Variants in JMY observed in about 807,000 individuals in gnomAD.
JMY encodes junction mediating and regulatory protein, p53 cofactor, also known as junction-mediating and -regulatory protein.
A neutral mutation model predicts 103.3 loss-of-function variants in JMY; 46 were observed. That is an observed-to-expected ratio of 0.45 (90% CI 0.35 to 0.57). The LOEUF is 0.57. JMY is among the 20% of genes least tolerant of loss of function. The pLI is 0.00. For missense variants in JMY, 1,238 were observed against 1,255.2 expected (o/e 0.99, Z 0.21); for synonymous variants, 526 against 489.3 (o/e 1.07, Z -0.99).
chr5:79,320,565 C>G (rs1468109345), intron 10 of JMY, among the ~76,000 whole-genome samples: 6 of 152,130 alleles, frequency 3.9e-5, no homozygotes, highest in African/African-American at 1.2e-4. Context: ...CCCTCCTCAG[C>G]CTCCCAAAGT....
At chr5:79,298,661 A>G (rs769760389) in intron 4 of JMY, among the ~76,000 whole-genome samples, 5 of 152,268 alleles carry the variant, frequency 3.3e-5, no homozygotes, top group Non-Finnish European at 5.9e-5. Flanking sequence ...TCTATTAAGT[A>G]TCCGTTTATA....
chr5:79,284,055 T>TC (rs1746198030), intron 2 of JMY: 56 of 996,666 alleles, frequency 5.6e-5, no homozygotes, highest in Non-Finnish European at 7.0e-5. Context: ...TTACTTTCTT[T>TC]TTTTTATTTT....
At chr5:79,296,701 A>T (rs978976759) in intron 4 of JMY, among the ~76,000 whole-genome samples, 1 of 152,170 alleles carries the variant, frequency 6.6e-6, no homozygotes, top group African/African-American at 2.4e-5. Flanking sequence ...ATTTTCTGTA[A>T]CTCAAACAGT....
chr5:79,277,125 GA>G (rs1310928681), intron 1 of JMY, among the ~76,000 whole-genome samples: 2 of 152,018 alleles, frequency 1.3e-5, no homozygotes, highest in African/African-American at 4.8e-5. Flanking sequence ...ATGGGGAAAA[GA>G]ATAATTTTTT....
chr5:79,247,833 GTATTTTATTT>G (rs111777821), intron 1 of JMY, among the ~76,000 whole-genome samples: 19 of 147,388 alleles, frequency 1.3e-4, no homozygotes, highest in South Asian at 4.4e-4. Flanking sequence ...TTGTATTTTT[GTATTTTATTT>G]TATTTTATTT....
At chr5:79,289,138 G>A (rs1746349769) in intron 2 of JMY, among the ~76,000 whole-genome samples, 1 of 151,614 alleles carries the variant, frequency 6.6e-6, no homozygotes, top group Non-Finnish European at 1.5e-5. Flanking sequence ...AGGAGGCTGA[G>A]GCAGGAGAAT....
Position 79,326,008 on chromosome 5 carries a change from T to C in JMY, c.*4406T>C, listed in dbSNP as rs900145910. 1.3e-5 allele frequency: 2 copies of C among 152,294 alleles called. No individual in the cohort carries two copies. Among genetic ancestry groups the C allele is most frequent in the Middle Eastern group, 3.4e-3 (1 of 294 alleles). The allele number at this position is 152,294 out of a possible 1,614,324, so 9.4% of individuals were successfully genotyped here. Reference sequence around the variant, plus strand: ...ACAACTTCGCAATTGTAGGATTTAATTGATTGAATTCCAAATTTATACTGT... The same window carrying C: ...ACAACTTCGCAATTGTAGGATTTAACTGATTGAATTCCAAATTTATACTGT... On this transcript the variant is annotated 3_prime_UTR_variant, in exon 11 of 11. Transcript: ENST00000396137.
rs570955360 is a variant in JMY, at chr5:79,238,912, C to T, written c.1032+1230C>T. Among the ~76,000 whole-genome samples the T allele has an allele frequency of 5.2e-3, 789 of 152,276 alleles. 8 individuals are homozygous for T. Among genetic ancestry groups the T allele is most frequent in the African/African-American group, 0.019 (776 of 41,556 alleles). ...TCTCCTGACCTCGTGATCCGCCCGC[C>T]TCGGCCTCCCAAAGTGCTGGGATTA... is the stretch of plus-strand genomic sequence containing the variant. On this transcript the variant is annotated intron_variant, in intron 1 of 10. Coordinates refer to ENST00000396137, the MANE Select transcript of JMY (RefSeq NM_152405.5).
intron 4 of JMY, among the ~76,000 whole-genome samples, chr5:79,292,081 T>C (rs1435034239): frequency 6.6e-6 from 1 of 152,214 alleles, no homozygotes; most frequent in Non-Finnish European, 1.5e-5. Flanking sequence ...TTTTATTTGC[T>C]GGTTATTAGA....
rs1344324010 is a variant in JMY, at chr5:79,270,618, A to AAAATG, written c.1033-7292_1033-7291insAAATG. Among the ~76,000 whole-genome samples, 105 of 140,396 alleles carry AAAATG rather than the reference A, an allele frequency of 7.5e-4. 7 individuals carry two copies. Among genetic ancestry groups the AAAATG allele is most frequent in the African/African-American group, 2.7e-3 (98 of 36,838 alleles). 92.1% of individuals were successfully genotyped at this position (140,396 alleles called of 152,430 possible). A position where few individuals can be genotyped will look rare whatever the true frequency, so the allele number is the denominator to read the frequency against. ...AAAATGTATATTTACATAAATGTTT[A>AAAATG]TATAAAATATATTTACATAAATATT... On this transcript the variant is annotated intron_variant, in intron 1 of 10. Transcript: ENST00000396137.
chr5:79,265,599 G>A (rs1211928968), intron 1 of JMY, among the ~76,000 whole-genome samples: 3 of 151,858 alleles, frequency 2.0e-5, no homozygotes, highest in East Asian at 1.9e-4. Flanking sequence ...TAAACAGGAC[G>A]GATTGACCAC....
intron 1 of JMY, among the ~76,000 whole-genome samples, chr5:79,243,678 T>C (rs1005985950): frequency 3.3e-5 from 5 of 152,206 alleles, no homozygotes; most frequent in Non-Finnish European, 7.3e-5. Flanking sequence ...TAAAGAATAA[T>C]GAAACTAAGT....
chr5:79,284,052 C>G lies in JMY; in HGVS notation c.1206+5969C>G, dbSNP rs575866289. On this transcript the variant is annotated intron_variant, in intron 2 of 10. Coordinates refer to ENST00000396137, the MANE Select transcript of JMY (RefSeq NM_152405.5). ...CCAACAGCAAGGTACAAATTACTTT[C>G]TTTTTTTTATTTTTTTATTTTATTT... The G allele has an allele frequency of 5.7e-4, 563 of 993,624 alleles. 3 individuals are homozygous for G. The Middle Eastern group carries it at 9.3e-3, about 16-fold the overall frequency. 61.6% of individuals were successfully genotyped at this position (993,624 alleles called of 1,614,324 possible).
In JMY at chr5:79,314,505, A is replaced by C. The variant is rs1580373552; in HGVS notation, c.2313A>C (p.Leu771Phe). 14 of 1,614,046 alleles carry C rather than the reference A, an allele frequency of 8.7e-6. No homozygotes were observed. The highest frequency in any genetic ancestry group is 1.1e-5 in the Non-Finnish European group (13 of 1,179,990). ...TAACACAACTTGAAGCCACCTCATT[A>C]CCTCTCAGTGGTGTTACCTCTGAAC... Reference protein sequence around the residue: ...TSLTQLEATSLPLSGVTSELP... With the variant: ...TSLTQLEATSFPLSGVTSELP... The change falls in exon 9 of 11, where the codon TTA (leucine) becomes TTC (phenylalanine). Residue 771 changes from leucine to phenylalanine, a missense_variant. Coordinates refer to ENST00000396137, the MANE Select transcript of JMY (RefSeq NM_152405.5).
intron 7 of JMY, among the ~76,000 whole-genome samples, chr5:79,307,544 C>T (rs1310639431): frequency 6.6e-6 from 1 of 152,100 alleles, no homozygotes; most frequent in African/African-American, 2.4e-5. Context: ...AACTCCTGGG[C>T]TCAAGCAGTC....
chr5:79,275,081 G>A (rs1479539218), intron 1 of JMY, among the ~76,000 whole-genome samples: 1 of 151,574 alleles, frequency 6.6e-6, no homozygotes, highest in Non-Finnish European at 1.5e-5. Flanking sequence ...TGGCTTTCTA[G>A]CTGCTGTGGT....
Position 79,290,109 on chromosome 5 carries a change from TTC to T in JMY, c.1207-6_1207-5del, listed in dbSNP as rs781481955. 4 of 1,557,574 alleles carry T rather than the reference TTC, an allele frequency of 2.6e-6. No individual in the cohort carries two copies. Among genetic ancestry groups the T allele is most frequent in the African/African-American group, 2.8e-5 (2 of 72,354 alleles). On this transcript the variant is annotated splice_polypyrimidine_tract_variant and intron_variant, in intron 2 of 10. Coordinates refer to ENST00000396137, the MANE Select transcript of JMY (RefSeq NM_152405.5). ...ACTTGAACTTCTTAATTTTTTCTTT[TTC>T]TCTCTGAAGATTTCCATGGAGAATG...
At chr5:79,252,906 T>C (rs1249185486) in intron 1 of JMY, among the ~76,000 whole-genome samples, 2 of 152,242 alleles carry the variant, frequency 1.3e-5, no homozygotes, top group African/African-American at 4.8e-5. Flanking sequence ...TTGGAGAGTT[T>C]AGTCCATTTG....
chr5:79,308,919 T>C (rs1304603848), intron 7 of JMY, among the ~76,000 whole-genome samples: 1 of 152,156 alleles, frequency 6.6e-6, no homozygotes, highest in African/African-American at 2.4e-5. Flanking sequence ...ATACCTAAGA[T>C]ACCTAAGTCT....
Sources: gnomAD v4.1 joint callset for allele counts (sites outside exome capture counted in the v4.1 genomes callset) on GRCh38, gnomAD v4.1.1 for gene constraint, MANE v1.5 for transcripts, NCBI Gene and HGNC (gene_info 2026-07-23, HGNC 2026-07-21) for gene names.